Variants in EML4 observed in about 807,000 individuals in gnomAD.
EML4 encodes the protein echinoderm microtubule-associated protein-like 4.
Under a neutral mutation model 129.0 loss-of-function variants are expected in EML4, and 72 were observed. The observed-to-expected ratio is 0.56, with a 90% CI of 0.46 to 0.68. EML4 has a LOEUF of 0.68. EML4 is among the 30% of genes least tolerant of loss of function. The pLI, the probability that EML4 is intolerant of heterozygous loss-of-function variation, is 0.00. For missense variants in EML4, 1,363 were observed against 1,190.6 expected, an observed-to-expected ratio of 1.14 and a Z score of -2.13; for synonymous variants, 532 against 405.0, an observed-to-expected ratio of 1.31 and a Z score of -3.77.
At chr2:42,280,995 G>A (rs1242272439) in intron 7 of EML4, 22 bp downstream of exon 7, 7 of 1,538,910 alleles carry the variant, frequency 4.5e-6, no homozygotes, top group Non-Finnish European at 6.1e-6. Flanking sequence ...TACCATGACA[G>A]CAAATTCATT....
At chr2:42,234,719 G>T (rs1490498324) in intron 1 of EML4, among the ~76,000 whole-genome samples, 1 of 152,112 alleles carries the variant, frequency 6.6e-6, no homozygotes, top group Non-Finnish European at 1.5e-5. Context: ...CTTGTTCTCT[G>T]TGAAAAAAGA....
At chr2:42,287,799 A>T (rs953408167) in intron 10 of EML4, among the ~76,000 whole-genome samples, 1 of 152,186 alleles carries the variant, frequency 6.6e-6, no homozygotes, top group South Asian at 2.1e-4. Flanking sequence ...CATGAATTTT[A>T]GCTTATTCTG....
intron 1 of EML4, among the ~76,000 whole-genome samples, chr2:42,194,719 C>G (rs1671800078): frequency 6.6e-6 from 1 of 151,804 alleles, no homozygotes; most frequent in Non-Finnish European, 1.5e-5. Flanking sequence ...ACCATGTTGC[C>G]CAGTCTGGTC....
In EML4 at chr2:42,332,108, C is replaced by G. The variant is rs1670133845; in HGVS notation, c.*1901C>G. On this transcript the variant is annotated 3_prime_UTR_variant, in exon 23 of 23. Transcript: ENST00000318522. Reference sequence around the variant, plus strand: ...ATCAGATCAGCATGTGCTATACTCCCTGCAAGAAATATACTGACATGAACA... The same window carrying G: ...ATCAGATCAGCATGTGCTATACTCCGTGCAAGAAATATACTGACATGAACA... 1 of 221,352 alleles carries G rather than the reference C, an allele frequency of 4.5e-6. No homozygotes were observed. The highest frequency in any genetic ancestry group is 1.9e-4 in the South Asian group (1 of 5,402). The allele number at this position is 221,352 out of a possible 1,614,324, so 13.7% of individuals were successfully genotyped here. A position where few individuals can be genotyped will look rare whatever the true frequency, so the allele number is the denominator to read the frequency against.
intron 1 of EML4, among the ~76,000 whole-genome samples, chr2:42,217,688 G>C (rs890244621): frequency 2.0e-5 from 3 of 152,138 alleles, no homozygotes; most frequent in Non-Finnish European, 4.4e-5. Context: ...CCACATATTC[G>C]TTGTCTTAAT....
intron 17 of EML4, among the ~76,000 whole-genome samples, chr2:42,314,593 CACT>C (rs1243879378): frequency 2.0e-5 from 3 of 152,216 alleles, no homozygotes; most frequent in Admixed American, 2.0e-4. Context: ...CTGCACACTG[CACT>C]ACTATTAAAT....
At chr2:42,329,480 T>C (rs542798997) in intron 22 of EML4, among the ~76,000 whole-genome samples, 1 of 152,176 alleles carries the variant, frequency 6.6e-6, no homozygotes, top group Non-Finnish European at 1.5e-5. Context: ...AGACAGACTT[T>C]TAGCTATTTT....
At chr2:42,328,786 A>G in intron 21 of EML4, 100 bp from the exon 22 acceptor site, 1 of 971,786 alleles carries the variant, frequency 1.0e-6, no homozygotes, top group Non-Finnish European at 1.5e-6. Context: ...TTGAACATAG[A>G]TAAAAGCTAA....
At chr2:42,181,363 A>G (rs1670929352) in intron 1 of EML4, among the ~76,000 whole-genome samples, 1 of 152,096 alleles carries the variant, frequency 6.6e-6, no homozygotes, top group Non-Finnish European at 1.5e-5. Flanking sequence ...CAGTGGTGCG[A>G]TCACGGCTCA....
At position 42,330,394 on chromosome 2, in the gene EML4, GT is replaced by G; in HGVS notation, c.*190del. The G allele has an allele frequency of 1.5e-6, 1 of 677,444 alleles. No homozygotes were observed. The highest frequency in any genetic ancestry group is 2.6e-6 in the Non-Finnish European group (1 of 377,834). 42.0% of individuals were successfully genotyped at this position (677,444 alleles called of 1,614,324 possible). On this transcript the variant is annotated 3_prime_UTR_variant, in exon 23 of 23. Coordinates refer to ENST00000318522, the MANE Select transcript of EML4 (RefSeq NM_019063.5). Reference sequence around the variant, plus strand: ...AGCCAACTTAAAGTTTTAGTTTGGTGTTTATTGAAAATTAACCAAACTTAAT... The same window carrying G: ...AGCCAACTTAAAGTTTTAGTTTGGTGTTATTGAAAATTAACCAAACTTAAT...
In EML4 at chr2:42,316,029, T is replaced by C; in HGVS notation, c.2035T>C (p.Ser679Pro). Reference protein sequence around the residue: ...SIHTDGNEQLSVMRYSIDGTF... With the variant: ...SIHTDGNEQLPVMRYSIDGTF... Reference sequence around the variant, plus strand: ...CCACACAGACGGGAATGAACAGCTCTCTGTGATGCGCTACTCAATAGGTAG... The same window carrying C: ...CCACACAGACGGGAATGAACAGCTCCCTGTGATGCGCTACTCAATAGGTAG... The change falls in exon 18 of 23, where the codon TCT becomes CCT. Residue 679 changes from serine to proline, a missense_variant. Coordinates refer to ENST00000318522, the MANE Select transcript of EML4 (RefSeq NM_019063.5). The C allele has an allele frequency of 6.2e-7, 1 of 1,613,698 alleles. No individual in the cohort carries two copies. Among genetic ancestry groups the C allele is most frequent in the Non-Finnish European group, 8.5e-7 (1 of 1,179,632 alleles).
rs1245359999 is a variant in EML4 at position 42,332,277 on chromosome 2, T to C, written c.*2070T>C. The stretch of plus-strand genomic sequence containing the variant: ...GATTTATAATCATGATACTCTTCGG[T>C]GGTAGTTTCAAAAGACACTACTAAT... On this transcript the variant is annotated 3_prime_UTR_variant, in exon 23 of 23. Transcript: ENST00000318522. 1 of 214,288 alleles carries C rather than the reference T, an allele frequency of 4.7e-6. No individual in the cohort carries two copies. The highest frequency in any genetic ancestry group is 6.9e-5 in the East Asian group (1 of 14,402). The allele number at this position is 214,288 out of a possible 1,614,324, so 13.3% of individuals were successfully genotyped here.
chr2:42,174,736 A>G (rs970353650), intron 1 of EML4, among the ~76,000 whole-genome samples: 3 of 152,154 alleles, frequency 2.0e-5, no homozygotes, highest in Non-Finnish European at 4.4e-5. Flanking sequence ...AAGAGCTTTT[A>G]TCTCATTTAA....
intron 1 of EML4, among the ~76,000 whole-genome samples, chr2:42,196,204 A>G (rs1161083338): frequency 3.9e-5 from 6 of 152,248 alleles, no homozygotes; most frequent in African/African-American, 1.4e-4. Flanking sequence ...ACATTCAGTC[A>G]TTAATGAGTG....
intron 1 of EML4, among the ~76,000 whole-genome samples, chr2:42,201,523 C>G (rs562631707): frequency 1.3e-5 from 2 of 152,214 alleles, no homozygotes; most frequent in South Asian, 4.1e-4. Flanking sequence ...GAATTGAAAC[C>G]ATTATATTGA....
chr2:42,189,163 A>G (rs1462835815), intron 1 of EML4, among the ~76,000 whole-genome samples: 3 of 152,150 alleles, frequency 2.0e-5, no homozygotes, highest in Non-Finnish European at 2.9e-5. Flanking sequence ...CACCATGACG[A>G]ACCACGAGCC....
At chr2:42,229,830 A>C (rs537213245) in intron 1 of EML4, among the ~76,000 whole-genome samples, 1 of 152,210 alleles carries the variant, frequency 6.6e-6, no homozygotes, top group South Asian at 2.1e-4. Flanking sequence ...TAACAAAAAT[A>C]TACTTAATTT....
At chr2:42,281,740 G>T (rs1346380982) in intron 7 of EML4, among the ~76,000 whole-genome samples, 3 of 152,326 alleles carry the variant, frequency 2.0e-5, no homozygotes, top group African/African-American at 2.4e-5. Context: ...TTTTCAGCCA[G>T]ACTTTTTTTT....
intron 1 of EML4, among the ~76,000 whole-genome samples, chr2:42,214,908 C>T (rs1673091515): frequency 6.6e-6 from 1 of 152,134 alleles, no homozygotes; most frequent in South Asian, 2.1e-4. Flanking sequence ...TTGGAAGTTA[C>T]ACAACTTTTG....
Sources: gnomAD v4.1 joint callset for allele counts (sites outside exome capture counted in the v4.1 genomes callset) on GRCh38, gnomAD v4.1.1 for gene constraint, MANE v1.5 for transcripts, NCBI Gene and HGNC (gene_info 2026-07-23, HGNC 2026-07-21) for gene names.